PRKCQ: variants seen among roughly 807,000 people sequenced by gnomAD.
PRKCQ encodes protein kinase C theta, also known as protein kinase C theta type.
Under a neutral mutation model 91.2 loss-of-function variants are expected in PRKCQ, and 41 were observed. The observed-to-expected ratio is 0.45, with a 90% CI of 0.35 to 0.58. The LOEUF (loss-of-function observed/expected upper bound fraction) is 0.58, where lower values mean the gene tolerates loss of function less well. Ranked by LOEUF, PRKCQ falls within the 20% of genes least tolerant of loss-of-function variation. The pLI is 0.00. For missense variants in PRKCQ, 673 were observed against 896.5 expected, an observed-to-expected ratio of 0.75 and a Z score of 3.18; for synonymous variants, 307 against 316.9, an observed-to-expected ratio of 0.97 and a Z score of 0.33.
the PRKCQ span, among the ~76,000 whole-genome samples, chr10:6,414,823 C>A: frequency 2.0e-5 from 3 of 149,768 alleles, no homozygotes; most frequent in South Asian, 4.2e-4. Flanking sequence ...ACCCCCATAA[C>A]ATCAATGAAC....
At chr10:6,548,013 A>G (rs1228211960) in intron 1 of PRKCQ, among the ~76,000 whole-genome samples, 2 of 151,798 alleles carry the variant, frequency 1.3e-5, no homozygotes, top group Admixed American at 6.6e-5. Flanking sequence ...CAGAATCTAC[A>G]ATGAACTCAA....
rs549119878 is a variant in PRKCQ at position 6,568,069 on chromosome 10, C to T, written c.-10+12142G>A. 3.0e-4 allele frequency among the ~76,000 whole-genome samples: 46 copies of T among 152,138 alleles called. No homozygotes were observed. The South Asian group carries it at 7.3e-3, about 24-fold the overall frequency. ...CCTGGCCAACATGATGAAAACATGT[C>T]TCTGCTAAAAATACAAAAGTTATCC... On this transcript the variant is annotated intron_variant, in intron 1 of 17. Transcript: ENST00000263125.
At chr10:6,476,247 T>C (rs1044686639) in intron 12 of PRKCQ, among the ~76,000 whole-genome samples, 46 of 150,704 alleles carry the variant, frequency 3.1e-4, no homozygotes, top group African/African-American at 1.0e-3. Flanking sequence ...AGCATACCTA[T>C]CTTCTACAAA....
At chr10:6,480,130 TC>T (rs1160544374) in intron 11 of PRKCQ, among the ~76,000 whole-genome samples, 1 of 152,170 alleles carries the variant, frequency 6.6e-6, no homozygotes, top group Admixed American at 6.5e-5. Flanking sequence ...AAGTTTACTT[TC>T]CCACTTGATT....
intron 7 of PRKCQ, among the ~76,000 whole-genome samples, chr10:6,492,137 G>A (rs1483452677): frequency 6.6e-6 from 1 of 151,726 alleles, no homozygotes; most frequent in Non-Finnish European, 1.5e-5. Context: ...TAAGGAAACA[G>A]TGCTCCCATT....
intron 1 of PRKCQ, among the ~76,000 whole-genome samples, chr10:6,536,742 T>A (rs140825201): frequency 7.6e-4 from 115 of 152,224 alleles, no homozygotes; most frequent in African/African-American, 2.6e-3. Flanking sequence ...CCCCAAATCA[T>A]CTTCCCGACA....
rs138214153 is a variant in PRKCQ at position 6,515,618 on chromosome 10, G to A, written c.-9-474C>T. On this transcript the variant is annotated intron_variant, in intron 1 of 17. Transcript: ENST00000263125. ...CATGGTCTATTTATGTGTGTAATGG[G>A]ATTGGCCCAAGGCATTCGGCAGCTG... The A allele has an allele frequency of 5.8e-5, 41 of 707,356 alleles. No homozygotes were observed. The African/African-American group carries it at 7.9e-4, about 14-fold the overall frequency. 43.8% of individuals were successfully genotyped at this position (707,356 alleles called of 1,614,324 possible).
chr10:6,571,961 C>T (rs1297478327), intron 1 of PRKCQ, among the ~76,000 whole-genome samples: 2 of 152,154 alleles, frequency 1.3e-5, no homozygotes, highest in African/African-American at 4.8e-5. Context: ...GCCAAGAGAT[C>T]AGGGGTCAGC....
intron 1 of PRKCQ, among the ~76,000 whole-genome samples, chr10:6,542,542 T>C (rs189426321): frequency 2.4e-4 from 36 of 152,328 alleles, no homozygotes; most frequent in African/African-American, 8.4e-4. Flanking sequence ...ATAGAAACTG[T>C]AGAGACTTTA....
chr10:6,454,010 A>T (rs1051923865), intron 15 of PRKCQ, among the ~76,000 whole-genome samples: 1 of 152,124 alleles, frequency 6.6e-6, no homozygotes, highest in African/African-American at 2.4e-5. Flanking sequence ...AGCATGGCAC[A>T]TGTATAGATA....
intron 7 of PRKCQ, among the ~76,000 whole-genome samples, chr10:6,495,243 G>T (rs1588762826): frequency 6.6e-6 from 1 of 152,264 alleles, no homozygotes; most frequent in Middle Eastern, 3.4e-3. Flanking sequence ...ACTACAAGTT[G>T]CACAAAATAC....
intron 1 of PRKCQ, among the ~76,000 whole-genome samples, chr10:6,553,599 T>C (rs904136872): frequency 1.3e-5 from 2 of 152,136 alleles, no homozygotes; most frequent in African/African-American, 2.4e-5. Context: ...TTCCTTTTTT[T>C]CCTTCTTCTT....
At chr10:6,407,927 A>T in the PRKCQ span, among the ~76,000 whole-genome samples, 1 of 152,138 alleles carries the variant, frequency 6.6e-6, no homozygotes, top group Non-Finnish European at 1.5e-5. This position sits in a 1 kb window ranked among gnomAD's most constrained non-coding sequence, Gnocchi z 4.0. Context: ...AAACTTCTCT[A>T]AAAATGTTCT....
At chr10:6,432,245 C>T (rs543995731) in intron 16 of PRKCQ, among the ~76,000 whole-genome samples, 3 of 152,274 alleles carry the variant, frequency 2.0e-5, no homozygotes, top group Non-Finnish European at 2.9e-5. Flanking sequence ...TTTTACTGCT[C>T]ATAAACATAG....
At chr10:6,485,378 G>T in intron 9 of PRKCQ, 109 bp from the exon 10 acceptor site, 1 of 828,088 alleles carries the variant, frequency 1.2e-6, no homozygotes, top group Non-Finnish European at 2.1e-6. Context: ...AATGCATAGG[G>T]TCAACAAAGA....
chr10:6,441,661 G>A (rs1221204919), intron 16 of PRKCQ, among the ~76,000 whole-genome samples: 3 of 151,994 alleles, frequency 2.0e-5, no homozygotes, highest in Non-Finnish European at 2.9e-5. Context: ...CTGGTTCCTG[G>A]GCCGTTATGT....
At chr10:6,464,849 T>G (rs1203340536) in intron 12 of PRKCQ, among the ~76,000 whole-genome samples, 1 of 152,212 alleles carries the variant, frequency 6.6e-6, no homozygotes, top group Non-Finnish European at 1.5e-5. Flanking sequence ...GTGAAATCAC[T>G]TATCAGAAGA....
At chr10:6,458,372 C>T (rs1835140836) in intron 14 of PRKCQ, among the ~76,000 whole-genome samples, 1 of 152,084 alleles carries the variant, frequency 6.6e-6, no homozygotes, top group African/African-American at 2.4e-5. Flanking sequence ...GCAGAGAACC[C>T]AGAGGCCCAG....
At chr10:6,439,270 A>G (rs1373782358) in intron 16 of PRKCQ, among the ~76,000 whole-genome samples, 1 of 152,176 alleles carries the variant, frequency 6.6e-6, no homozygotes, top group African/African-American at 2.4e-5. Context: ...AGGGCGCTGA[A>G]TTCCGTTTTG....
Sources: allele counts gnomAD v4.1 joint callset (sites outside exome capture counted in the v4.1 genomes callset), GRCh38; gene constraint gnomAD v4.1.1; non-coding constraint Gnocchi (gnomAD v3.1); transcripts MANE v1.5; gene names NCBI Gene and HGNC (gene_info 2026-07-23, HGNC 2026-07-21).